CCSER1: variants seen among roughly 807,000 people sequenced by gnomAD.
The protein encoded by CCSER1 is coiled-coil serine rich protein 1.
A neutral mutation model predicts 82.0 loss-of-function variants in CCSER1; 41 were observed. The observed-to-expected ratio is 0.50, with a 90% CI of 0.39 to 0.65. CCSER1 has a LOEUF of 0.65. Ranked by LOEUF, CCSER1 falls within the 30% of genes least tolerant of loss-of-function variation. The pLI is 0.00. For synonymous variants in CCSER1, 414 were observed against 383.9 expected (o/e 1.08, Z -0.92); for missense variants, 1,119 against 1,064.2 (o/e 1.05, Z -0.72).
At chr4:91,244,498 T>C (rs573338054) in intron 10 of CCSER1, among the ~76,000 whole-genome samples, 1 of 152,168 alleles carries the variant, frequency 6.6e-6, no homozygotes, top group Non-Finnish European at 1.5e-5. Context: ...CTCTGCTTAT[T>C]TGGGAGAAAG....
At chr4:91,450,143 T>C (rs930486955) in intron 10 of CCSER1, among the ~76,000 whole-genome samples, 2 of 152,070 alleles carry the variant, frequency 1.3e-5, no homozygotes, top group African/African-American at 2.4e-5. Context: ...TGGGTCGTCA[T>C]GCTGTGCAAG....
chr4:90,433,166 C>T (rs967190), intron 4 of CCSER1, among the ~76,000 whole-genome samples: 2 of 152,098 alleles, frequency 1.3e-5, no homozygotes, highest in African/African-American at 4.8e-5. Flanking sequence ...TGAAACATGT[C>T]CCAAACCAAA....
chr4:90,492,499 T>A lies in CCSER1; in HGVS notation c.1724+24145T>A, dbSNP rs1420751597. Among the ~76,000 whole-genome samples the A allele has an allele frequency of 3.3e-5, 5 of 152,280 alleles. No individual in the cohort carries two copies. The East Asian group carries it at 9.6e-4, about 29-fold the overall frequency. On this transcript the variant is annotated intron_variant, in intron 5 of 10. Transcript: ENST00000509176. ...GGATTCATTGATTTTTTTGAAGGGC[T>A]TTTTGTGTCTCTATCTCCTTCAGTT... is the stretch of plus-strand genomic sequence containing the variant.
chr4:90,750,981 T>G (rs1748549195), intron 7 of CCSER1, among the ~76,000 whole-genome samples: 1 of 152,154 alleles, frequency 6.6e-6, no homozygotes, highest in South Asian at 2.1e-4. Context: ...CCTTTATTAG[T>G]AATCATTTCT....
At chr4:91,069,113 G>T (rs1721162409) in intron 9 of CCSER1, among the ~76,000 whole-genome samples, 1 of 152,080 alleles carries the variant, frequency 6.6e-6, no homozygotes, top group Non-Finnish European at 1.5e-5. Flanking sequence ...GGCAGAGGTT[G>T]CAGTGAGCTG....
chr4:90,911,340 T>C (rs1450696064), intron 8 of CCSER1: 1 of 456,276 alleles, frequency 2.2e-6, no homozygotes, highest in South Asian at 1.5e-5. Context: ...TTCAGTGATA[T>C]GCATGCCCCC....
intron 10 of CCSER1, among the ~76,000 whole-genome samples, chr4:91,350,579 T>C (rs1327151568): frequency 6.6e-6 from 1 of 152,090 alleles, no homozygotes; most frequent in Admixed American, 6.5e-5. Flanking sequence ...ATTTTTCTTA[T>C]ATTGAAGAGA....
chr4:90,407,310 A>G (rs752955622), intron 4 of CCSER1, among the ~76,000 whole-genome samples: 1 of 152,218 alleles, frequency 6.6e-6, no homozygotes, highest in African/African-American at 2.4e-5. Flanking sequence ...CCAGGAGGAT[A>G]TAAAATCTCT....
At chr4:90,644,462 T>A (rs79131730) in intron 6 of CCSER1, among the ~76,000 whole-genome samples, 82,162 of 151,824 alleles carry the variant, frequency 0.54, 22,529 homozygotes, top group African/African-American at 0.62. Flanking sequence ...GTATTTTTTT[T>A]ATTTAATTTA....
intron 8 of CCSER1, among the ~76,000 whole-genome samples, chr4:90,822,520 A>G (rs1759876837): frequency 6.6e-6 from 1 of 152,178 alleles, no homozygotes. Context: ...CGAGGTCAGG[A>G]GTTTGAGTCC....
intron 10 of CCSER1, among the ~76,000 whole-genome samples, chr4:91,301,531 T>A (rs1010065862): frequency 1.4e-5 from 2 of 146,874 alleles, no homozygotes; most frequent in South Asian, 4.2e-4. Context: ...TATGTATATA[T>A]AAAATATAGT....
At chr4:90,134,084 A>G (rs904290553) in intron 1 of CCSER1, among the ~76,000 whole-genome samples, 5 of 152,242 alleles carry the variant, frequency 3.3e-5, no homozygotes, top group Non-Finnish European at 5.9e-5. Context: ...CACTTCTTAC[A>G]TGATATACAC....
chr4:90,309,362 G>T lies in CCSER1; in HGVS notation c.1078G>T (p.Val360Leu). The change falls in exon 2 of 11, where the codon GTG becomes TTG. Residue 360 changes from valine (V) to leucine (L), a missense_variant. Coordinates refer to ENST00000509176, the MANE Select transcript of CCSER1 (RefSeq NM_001145065.2). ...AATTGCTGAACTACCTGCTACAAGT[G>T]TGAGCCACTCAGAGAGTAACCTACC... The part of the protein sequence containing the change: ...LQIAELPATS[V>L]SHSESNLPAD... 1.2e-6 allele frequency: 2 copies of T among 1,613,838 alleles called. No individual in the cohort carries two copies. The highest frequency in any genetic ancestry group is 1.7e-6 in the Non-Finnish European group (2 of 1,179,816).
intron 8 of CCSER1, among the ~76,000 whole-genome samples, chr4:90,916,791 T>C (rs1727507105): frequency 6.6e-6 from 1 of 152,064 alleles, no homozygotes; most frequent in African/African-American, 2.4e-5. Context: ...ATCCAGAATC[T>C]ACAAAGAACT....
chr4:90,951,413 C>A (rs1026237314), intron 9 of CCSER1: 1 of 151,968 alleles, frequency 6.6e-6, no homozygotes, highest in Non-Finnish European at 1.5e-5. Flanking sequence ...CTCCCTTTTT[C>A]AATAGAGAAT....
chr4:90,916,694 A>G (rs1278103756), intron 8 of CCSER1, among the ~76,000 whole-genome samples: 1 of 152,236 alleles, frequency 6.6e-6, no homozygotes, highest in Non-Finnish European at 1.5e-5. Context: ...GCTTCTGCAT[A>G]GCAAAAGCAA....
chr4:90,447,751 A>C (rs756753596), intron 4 of CCSER1, among the ~76,000 whole-genome samples: 11 of 152,174 alleles, frequency 7.2e-5, no homozygotes, highest in Non-Finnish European at 1.3e-4. Context: ...TGATAGGTGA[A>C]ACAACGTTAA....
At chr4:91,299,233 A>C (rs1049574908) in intron 10 of CCSER1, among the ~76,000 whole-genome samples, 1 of 152,030 alleles carries the variant, frequency 6.6e-6, no homozygotes, top group African/African-American at 2.4e-5. Context: ...ATTACACTGA[A>C]TTAAAGCATA....
intron 10 of CCSER1, among the ~76,000 whole-genome samples, chr4:91,459,145 T>TA (rs5860239): frequency 0.7 from 105,859 of 151,882 alleles, 37,220 homozygotes; most frequent in East Asian, 0.89. Flanking sequence ...AGTCTTTTTT[T>TA]AAAAACAGAA....
Sources: gnomAD v4.1 joint callset for allele counts (sites outside exome capture counted in the v4.1 genomes callset) on GRCh38, gnomAD v4.1.1 for gene constraint, MANE v1.5 for transcripts, NCBI Gene and HGNC (gene_info 2026-07-23, HGNC 2026-07-21) for gene names.